Variants in CERT1 observed in about 807,000 individuals in gnomAD.
CERT1 encodes ceramide transporter 1.
Under a neutral mutation model 87.9 loss-of-function variants are expected in CERT1, and 31 were observed. The ratio of observed to expected loss-of-function variants is 0.35; its 90% CI spans 0.27 to 0.48. The LOEUF is 0.48. Among genes scored for constraint, CERT1 ranks in the 20% least tolerant of loss-of-function variants. The pLI, the probability that CERT1 is intolerant of heterozygous loss-of-function variation, is 0.99. For missense variants in CERT1, 487 were observed against 758.0 expected, an observed-to-expected ratio of 0.64 and a Z score of 4.20; for synonymous variants, 289 against 250.9, an observed-to-expected ratio of 1.15 and a Z score of -1.44.
At chr5:75,467,458 T>C (rs1350515050) in intron 2 of CERT1, among the ~76,000 whole-genome samples, 1 of 151,944 alleles carries the variant, frequency 6.6e-6, no homozygotes, top group African/African-American at 2.4e-5. Context: ...CTGGTCAACA[T>C]GGCGAAACCC....
intron 3 of CERT1, among the ~76,000 whole-genome samples, chr5:75,453,647 T>C (rs1764848568): frequency 6.6e-6 from 1 of 152,114 alleles, no homozygotes; most frequent in African/African-American, 2.4e-5. Context: ...AAAAACAGGA[T>C]AATAATGCTA....
At chr5:75,491,471 C>A (rs995152187) in intron 2 of CERT1, among the ~76,000 whole-genome samples, 7 of 152,042 alleles carry the variant, frequency 4.6e-5, no homozygotes, top group African/African-American at 9.7e-5. Context: ...TTCCTGTAAT[C>A]CTGCTCTGAT....
At position 75,379,214 on chromosome 5, in the gene CERT1, GA is replaced by G. The variant is rs1761453644; in HGVS notation, c.*131del. The G allele has an allele frequency of 1.1e-5, 9 of 827,916 alleles. No homozygotes were observed. The South Asian group carries it at 1.5e-4, about 14-fold the overall frequency. 51.3% of individuals were successfully genotyped at this position (827,916 alleles called of 1,614,324 possible). A position where few individuals can be genotyped will look rare whatever the true frequency, so the allele number is the denominator to read the frequency against. ...AACAACGACAACAACAAAAACCAAC[GA>G]AACAATACTCTATAGGGGAACATCA... is the stretch of plus-strand genomic sequence containing the variant. On this transcript the variant is annotated 3_prime_UTR_variant, in exon 17 of 17. Transcript: ENST00000643780.
chr5:75,443,065 T>A (rs1159125381), intron 3 of CERT1, among the ~76,000 whole-genome samples: 1 of 152,176 alleles, frequency 6.6e-6, no homozygotes, highest in African/African-American at 2.4e-5. Context: ...TGCTATAACA[T>A]CCCTACGTTA....
At chr5:75,385,623 C>T (rs1761756196) in intron 13 of CERT1, among the ~76,000 whole-genome samples, 1 of 152,180 alleles carries the variant, frequency 6.6e-6, no homozygotes, top group Non-Finnish European at 1.5e-5. Context: ...TTTGACAAGT[C>T]ACTTTGCCTA....
At chr5:75,481,266 C>T (rs879500728) in intron 2 of CERT1, among the ~76,000 whole-genome samples, 2 of 152,148 alleles carry the variant, frequency 1.3e-5, no homozygotes, top group Admixed American at 1.3e-4. Context: ...ATTCCTTTCC[C>T]ACCTTCAGAC....
In CERT1 at chr5:75,444,695, C is replaced by T. The variant is rs139766927; in HGVS notation, c.348+14370G>A. Among the ~76,000 whole-genome samples the T allele has an allele frequency of 4.7e-3, 706 of 151,748 alleles. 5 individuals are homozygous for T. The highest frequency in any genetic ancestry group is 0.016 in the African/African-American group (673 of 41,400). On this transcript the variant is annotated intron_variant, in intron 3 of 16. Coordinates refer to ENST00000643780, the MANE Select transcript of CERT1 (RefSeq NM_001379029.1). The stretch of plus-strand genomic sequence containing the variant: ...CCAAGTAGCTGGGACTACAGGCCCA[C>T]GTGACCATGCCCAGCCAATTTTTGT...
chr5:75,396,905 A>G (rs1436709763), intron 11 of CERT1, among the ~76,000 whole-genome samples: 1 of 152,210 alleles, frequency 6.6e-6, no homozygotes, highest in Non-Finnish European at 1.5e-5. Flanking sequence ...ATAATTTTAC[A>G]CTGTGTTGAA....
intron 5 of CERT1, among the ~76,000 whole-genome samples, chr5:75,420,403 G>A (rs1401332491): frequency 2.0e-5 from 3 of 151,086 alleles, no homozygotes; most frequent in East Asian, 3.9e-4. Context: ...GAGTGCAGTG[G>A]CGCGATCTCG....
intron 8 of CERT1, chr5:75,410,700 T>C (rs1438227816): frequency 1.9e-5 from 3 of 156,294 alleles, no homozygotes; most frequent in Admixed American, 6.6e-5. Context: ...TTTGCTTTTA[T>C]GTTAAAAAAA....
chr5:75,491,814 C>T (rs957963380), intron 2 of CERT1, among the ~76,000 whole-genome samples: 1 of 152,120 alleles, frequency 6.6e-6, no homozygotes, highest in Non-Finnish European at 1.5e-5. Context: ...TTTTGGGATG[C>T]GGCTTACCAC....
chr5:75,447,012 T>C (rs1764570310), intron 3 of CERT1, among the ~76,000 whole-genome samples: 1 of 152,144 alleles, frequency 6.6e-6, no homozygotes, highest in Non-Finnish European at 1.5e-5. Context: ...AGAGCATAGA[T>C]CCCTAGTATT....
At position 75,480,734 on chromosome 5, in the gene CERT1, A is replaced by G. The variant is rs138113849; in HGVS notation, c.232-21553T>C. 5.6e-3 allele frequency among the ~76,000 whole-genome samples: 848 copies of G among 152,294 alleles called. 26 individuals carry two copies. Among genetic ancestry groups the G allele is most frequent in the Admixed American group, 0.052 (789 of 15,292 alleles). ...CTTCCACATTTCTGTAAATGGTAAC[A>G]ATACAGTTGCTTCGACCTGAATAAT... On this transcript the variant is annotated intron_variant, in intron 2 of 16. Coordinates refer to ENST00000643780, the MANE Select transcript of CERT1 (RefSeq NM_001379029.1).
intron 2 of CERT1, among the ~76,000 whole-genome samples, chr5:75,493,607 A>T (rs1243206375): frequency 6.6e-6 from 1 of 152,208 alleles, no homozygotes; most frequent in Non-Finnish European, 1.5e-5. Context: ...TCTTCTTCCC[A>T]GTGGTCTGGC....
chr5:75,387,892 T>C (rs776888834), intron 12 of CERT1, among the ~76,000 whole-genome samples: 3 of 152,240 alleles, frequency 2.0e-5, no homozygotes, highest in African/African-American at 7.2e-5. Context: ...CTGTGGGCTG[T>C]AGGAGTAGTT....
chr5:75,436,494 A>T (rs999104637), intron 3 of CERT1, among the ~76,000 whole-genome samples: 10 of 152,134 alleles, frequency 6.6e-5, no homozygotes, highest in Non-Finnish European at 1.3e-4. Context: ...TGGTTTTGGT[A>T]AAGGTTTCCT....
chr5:75,460,950 G>A (rs2112317778), intron 2 of CERT1, among the ~76,000 whole-genome samples: 1 of 152,048 alleles, frequency 6.6e-6, no homozygotes, highest in African/African-American at 2.4e-5. Context: ...GAAGCAAAAG[G>A]GAAAAACAAT....
chr5:75,376,235 G>A (rs1761308668), downstream of CERT1: 2 of 152,156 alleles, frequency 1.3e-5, no homozygotes, highest in Admixed American at 1.3e-4. Context: ...ATAATTGAGA[G>A]CATGTTTTAC....
At chr5:75,496,259 TA>T (rs992701907) in intron 2 of CERT1, among the ~76,000 whole-genome samples, 2 of 148,642 alleles carry the variant, frequency 1.3e-5, no homozygotes, top group African/African-American at 2.5e-5. Context: ...GAGCTATCAC[TA>T]CATACCTACC....
Sources: allele counts gnomAD v4.1 joint callset (sites outside exome capture counted in the v4.1 genomes callset), GRCh38; gene constraint gnomAD v4.1.1; transcripts MANE v1.5; gene names NCBI Gene and HGNC (gene_info 2026-07-23, HGNC 2026-07-21).